MTSS1: variants seen among roughly 807,000 people sequenced by gnomAD.
The protein encoded by MTSS1 is MTSS I-BAR domain containing 1.
Under a neutral mutation model 79.0 loss-of-function variants are expected in MTSS1, and 18 were observed. The observed-to-expected ratio is 0.23, with a 90% CI of 0.16 to 0.34. The LOEUF is 0.34. Among genes scored for constraint, MTSS1 ranks in the 10% least tolerant of loss-of-function variants. The pLI is 1.00. For synonymous variants in MTSS1, 341 were observed against 368.6 expected, an observed-to-expected ratio of 0.93 and a Z score of 0.86; for missense variants, 815 against 986.2, an observed-to-expected ratio of 0.83 and a Z score of 2.33.
chr8:124,580,466 T>G, intron 6 of MTSS1: 3 of 1,446,650 alleles, frequency 2.1e-6, no homozygotes, highest in Non-Finnish European at 2.8e-6. Flanking sequence ...CCTGGGCAGC[T>G]AGCAGAGGTC....
At chr8:124,648,715 C>CCCCA (rs1554694570) in intron 3 of MTSS1, among the ~76,000 whole-genome samples, 2 of 147,462 alleles carry the variant, frequency 1.4e-5, no homozygotes, top group African/African-American at 5.4e-5. Context: ...AGCAGCCCCC[C>CCCCA]CCCAGATACT....
intron 3 of MTSS1, among the ~76,000 whole-genome samples, chr8:124,645,970 G>A (rs570954931): frequency 1.3e-5 from 2 of 152,248 alleles, no homozygotes; most frequent in South Asian, 4.2e-4. Flanking sequence ...TATTCCTGCT[G>A]TATTTCTCCC....
chr8:124,572,743 C>CTTTTTCTT (rs1828064883), intron 6 of MTSS1, among the ~76,000 whole-genome samples: 1 of 123,668 alleles, frequency 8.1e-6, no homozygotes, highest in Non-Finnish European at 1.7e-5. Context: ...CTTTTCTTTT[C>CTTTTTCTT]TTTTTTTTTT....
chr8:124,721,639 G>A (rs1432112396), intron 1 of MTSS1, among the ~76,000 whole-genome samples: 2 of 151,746 alleles, frequency 1.3e-5, no homozygotes, highest in African/African-American at 4.8e-5. Flanking sequence ...CAAACTCCTG[G>A]ACCTCAGGTG....
At chr8:124,640,379 G>A (rs11777707) in intron 3 of MTSS1, among the ~76,000 whole-genome samples, 125 of 152,288 alleles carry the variant, frequency 8.2e-4, no homozygotes, top group Non-Finnish European at 1.4e-3. Context: ...CCTCAATCTT[G>A]TGAAGGGCCA....
rs1199125240 is a variant in MTSS1 at position 124,727,888 on chromosome 8, A to C, written c.68T>G (p.Met23Arg). The C allele has an allele frequency of 6.2e-7, 1 of 1,600,760 alleles. No homozygotes were observed. The highest frequency in any genetic ancestry group is 1.7e-5 in the Admixed American group (1 of 58,268). Residue 23 changes from methionine (M) to arginine (R), a missense_variant, in exon 1 of 14, where the codon ATG becomes AGG. This residue lies in a region of MTSS1 where 225 missense variants were observed against 365.4 expected (regional missense o/e 0.62). Coordinates refer to ENST00000518547, the MANE Select transcript of MTSS1 (RefSeq NM_014751.6). The surrounding 1 kb of genome is among the most constrained non-coding windows in gnomAD (Gnocchi z 4.7). ...GGLFQTIISD[M>R]KGSYPVWEDF... Reference sequence around the variant, plus strand: ...GCCGCACCCCCGGCGTCCTACCTTCATGTCGCTGATGATGGTCTGGAAGAG... The same window carrying C: ...GCCGCACCCCCGGCGTCCTACCTTCCTGTCGCTGATGATGGTCTGGAAGAG...
chr8:124,637,463 G>A (rs1296014361), intron 3 of MTSS1, among the ~76,000 whole-genome samples: 1 of 152,204 alleles, frequency 6.6e-6, no homozygotes, highest in African/African-American at 2.4e-5. Context: ...TCTCCCACAG[G>A]AAAGGGGAAG....
At chr8:124,700,487 AG>A (rs1222150718) in intron 2 of MTSS1, among the ~76,000 whole-genome samples, 5 of 152,218 alleles carry the variant, frequency 3.3e-5, no homozygotes, top group African/African-American at 1.2e-4. Context: ...AGATCCTGGC[AG>A]TGTGACTTTT....
chr8:124,571,411 T>C (rs544367676), intron 6 of MTSS1, among the ~76,000 whole-genome samples: 17 of 152,250 alleles, frequency 1.1e-4, no homozygotes, highest in Non-Finnish European at 2.4e-4. Context: ...GCTTTTCCTC[T>C]GCAAGCAGCC....
chr8:124,725,709 A>T (rs1312100366), intron 1 of MTSS1, among the ~76,000 whole-genome samples: 1 of 152,234 alleles, frequency 6.6e-6, no homozygotes, highest in Non-Finnish European at 1.5e-5. Context: ...GCATCTGCAC[A>T]CTATATACTG....
chr8:124,611,112 C>CT (rs912609021), intron 3 of MTSS1, among the ~76,000 whole-genome samples: 1 of 148,524 alleles, frequency 6.7e-6, no homozygotes, highest in African/African-American at 2.5e-5. Flanking sequence ...ACAGACCCCC[C>CT]CCCCCCAGCA....
At chr8:124,617,974 G>A (rs1812725052) in intron 3 of MTSS1, among the ~76,000 whole-genome samples, 1 of 152,170 alleles carries the variant, frequency 6.6e-6, no homozygotes, top group East Asian at 1.9e-4. Context: ...TTTGGGAGAT[G>A]AATTATTTAC....
intron 3 of MTSS1, among the ~76,000 whole-genome samples, chr8:124,650,866 C>G (rs1168080305): frequency 6.6e-6 from 1 of 152,116 alleles, no homozygotes; most frequent in Non-Finnish European, 1.5e-5. Flanking sequence ...GTGTATGGCC[C>G]GGATTCAAAT....
intron 11 of MTSS1, among the ~76,000 whole-genome samples, chr8:124,556,922 G>C (rs865969799): frequency 6.6e-6 from 1 of 152,208 alleles, no homozygotes; most frequent in Non-Finnish European, 1.5e-5. Context: ...GCGCCCAGGG[G>C]CAGTAGAAAG....
chr8:124,567,887 G>A (rs2132080644), intron 7 of MTSS1: 3 of 1,434,454 alleles, frequency 2.1e-6, no homozygotes, highest in African/African-American at 2.9e-5. Context: ...GCATGCAAAT[G>A]ATTTCCTTAA....
intron 10 of MTSS1, chr8:124,558,579 C>G (rs1394809598): frequency 3.1e-6 from 4 of 1,274,428 alleles, no homozygotes; most frequent in Non-Finnish European, 4.1e-6. Context: ...GTCCCACCCT[C>G]TGTCCCCAAG....
At chr8:124,587,082 A>T (rs1188542927) in intron 5 of MTSS1, among the ~76,000 whole-genome samples, 1 of 152,210 alleles carries the variant, frequency 6.6e-6, no homozygotes, top group Non-Finnish European at 1.5e-5. Flanking sequence ...GGGGCCCAAA[A>T]GGCCTCAGAA....
intron 3 of MTSS1, among the ~76,000 whole-genome samples, chr8:124,663,673 C>T (rs1265314582): frequency 2.6e-5 from 4 of 152,200 alleles, no homozygotes; most frequent in Non-Finnish European, 4.4e-5. Context: ...ATCCTCCTCC[C>T]ACCTCCTCTG....
In MTSS1 at chr8:124,553,931, A is replaced by G. The variant is rs1250620331; in HGVS notation, c.1568-239T>C. Among the ~76,000 whole-genome samples, 2 of 152,164 alleles carry G rather than the reference A, an allele frequency of 1.3e-5. No homozygotes were observed. The highest frequency in any genetic ancestry group is 2.9e-5 in the Non-Finnish European group (2 of 68,030). ...TAGAACAGTGCTGGACACGGTAGGC[A>G]CTCAAATATCGTCAATGGGGAAGAA... On this transcript the variant is annotated intron_variant, in intron 13 of 13. Coordinates refer to ENST00000518547, the MANE Select transcript of MTSS1 (RefSeq NM_014751.6). This position sits in a 1 kb window ranked among gnomAD's most constrained non-coding sequence, Gnocchi z 6.0.
Sources: gnomAD v4.1 joint callset for allele counts (sites outside exome capture counted in the v4.1 genomes callset) on GRCh38, gnomAD v4.1.1 for gene constraint, gnomAD v4.1.1 regional missense constraint, Gnocchi (gnomAD v3.1) non-coding constraint, MANE v1.5 for transcripts, NCBI Gene and HGNC (gene_info 2026-07-23, HGNC 2026-07-21) for gene names.